The following MSH4 variants were observed in gnomAD, a reference collection of about 807,000 sequenced individuals.
The protein encoded by MSH4 is mutS protein homolog 4.
A neutral mutation model predicts 113.7 loss-of-function variants in MSH4; 106 were observed. That is an observed-to-expected ratio of 0.93 (90% CI 0.80 to 1.10). The LOEUF (loss-of-function observed/expected upper bound fraction) is 1.10, where lower values mean the gene tolerates loss of function less well. MSH4 is among the 50% of genes least tolerant of loss of function. The pLI is 0.00. For missense variants in MSH4, 1,061 were observed against 1,093.7 expected (o/e 0.97, Z 0.42); for synonymous variants, 368 against 380.2 (o/e 0.97, Z 0.37).
chr1:75,821,528 T>C (rs1287944958), intron 6 of MSH4, among the ~76,000 whole-genome samples: 1 of 152,144 alleles, frequency 6.6e-6, no homozygotes, highest in Non-Finnish European at 1.5e-5. Context: ...ATTCAAAAGC[T>C]AGCGGAATGC....
chr1:75,883,513 A>G, intron 14 of MSH4, 108 bp from the exon 15 acceptor site: 3 of 858,612 alleles, frequency 3.5e-6, no homozygotes, highest in Non-Finnish European at 5.3e-6. Flanking sequence ...TATTATTCCA[A>G]ATTGACCAGT....
chr1:75,877,675 G>A (rs1340170951), intron 10 of MSH4, among the ~76,000 whole-genome samples: 2 of 152,182 alleles, frequency 1.3e-5, no homozygotes, highest in African/African-American at 2.4e-5. Context: ...TAATTGTGAG[G>A]TTCCTGTTAC....
intron 8 of MSH4, among the ~76,000 whole-genome samples, chr1:75,855,908 T>A (rs906553761): frequency 1.1e-4 from 17 of 152,214 alleles, no homozygotes; most frequent in African/African-American, 4.1e-4. Context: ...AAAGAATTAA[T>A]CATCAGATTA....
chr1:75,865,983 A>G (rs35614774), intron 8 of MSH4, among the ~76,000 whole-genome samples: 6,993 of 152,260 alleles, frequency 0.046, 196 homozygotes, highest in African/African-American at 0.061. Flanking sequence ...AACCTTTGTC[A>G]TAAATCGAGT....
chr1:75,890,844 A>G lies in MSH4; in HGVS notation c.2355+20A>G, dbSNP rs1425882980. The G allele has an allele frequency of 1.3e-6, 2 of 1,506,652 alleles. No homozygotes were observed. The highest frequency in any genetic ancestry group is 1.2e-5 in the South Asian group (1 of 83,496). 93.3% of individuals were successfully genotyped at this position (1,506,652 alleles called of 1,614,324 possible). ...TTAAAGGTATTCTTTTATTTTAAGTATATTGATTTTGAGTCCTTCTTTATG... is the reference window on the plus strand; with the variant it reads ...TTAAAGGTATTCTTTTATTTTAAGTGTATTGATTTTGAGTCCTTCTTTATG... On this transcript the variant is annotated intron_variant, in intron 17 of 19. Coordinates refer to ENST00000263187, the MANE Select transcript of MSH4 (RefSeq NM_002440.4).
At chr1:75,902,504 C>G (rs1652526329) in intron 19 of MSH4, among the ~76,000 whole-genome samples, 1 of 151,326 alleles carries the variant, frequency 6.6e-6, no homozygotes, top group Admixed American at 6.6e-5. Flanking sequence ...TGGCCTCCAA[C>G]TCCATCTATG....
intron 4 of MSH4, among the ~76,000 whole-genome samples, chr1:75,812,984 G>C (rs1474080359): frequency 6.6e-6 from 1 of 152,138 alleles, no homozygotes; most frequent in African/African-American, 2.4e-5. Context: ...AGCCCAGGTA[G>C]AGTTTGGTCA....
At chr1:75,867,690 C>T (rs928797371) in intron 9 of MSH4, 102 bp downstream of exon 9, 11 of 708,712 alleles carry the variant, frequency 1.6e-5, no homozygotes, top group Admixed American at 5.9e-5. Context: ...AATAACATGG[C>T]GAATTTCCCA....
At chr1:75,813,074 A>G (rs1469222204) in intron 4 of MSH4, among the ~76,000 whole-genome samples, 1 of 152,182 alleles carries the variant, frequency 6.6e-6, no homozygotes, top group African/African-American at 2.4e-5. Context: ...ATGAGATTTA[A>G]GAAGATGATT....
chr1:75,851,013 G>T (rs1269921575), intron 8 of MSH4, among the ~76,000 whole-genome samples: 3 of 151,828 alleles, frequency 2.0e-5, no homozygotes, highest in Non-Finnish European at 4.4e-5. Flanking sequence ...GCTTTCTTTT[G>T]GTTAGTGTTG....
chr1:75,851,186 G>T (rs1211453506), intron 8 of MSH4, among the ~76,000 whole-genome samples: 1 of 149,606 alleles, frequency 6.7e-6, no homozygotes, highest in Non-Finnish European at 1.5e-5. Context: ...CACTTAATAA[G>T]ATTATTGATA....
intron 2 of MSH4, 31 bp downstream of exon 2, chr1:75,803,944 T>A: frequency 7.1e-7 from 1 of 1,398,698 alleles, no homozygotes; most frequent in Non-Finnish European, 9.4e-7. Flanking sequence ...ACCTAGATGA[T>A]GTTTTGAAAC....
At chr1:75,844,881 G>A (rs1651042731) in intron 7 of MSH4, among the ~76,000 whole-genome samples, 2 of 152,134 alleles carry the variant, frequency 1.3e-5, no homozygotes, top group Admixed American at 1.3e-4. Context: ...TCTGAAGGCT[G>A]GGATCTGCAA....
At chr1:75,838,692 C>A (rs1211802353) in intron 7 of MSH4, among the ~76,000 whole-genome samples, 2 of 152,132 alleles carry the variant, frequency 1.3e-5, no homozygotes, top group Non-Finnish European at 1.5e-5. Flanking sequence ...TCTAAATGAA[C>A]TTCTTTAAGT....
intron 7 of MSH4, among the ~76,000 whole-genome samples, chr1:75,839,011 T>C (rs746589562): frequency 1.3e-5 from 2 of 152,214 alleles, no homozygotes; most frequent in Non-Finnish European, 2.9e-5. Flanking sequence ...TTAACATATT[T>C]GTTAAACTAT....
intron 7 of MSH4, among the ~76,000 whole-genome samples, chr1:75,822,818 TTTG>T (rs1055982889): frequency 1.3e-5 from 2 of 151,958 alleles, no homozygotes; most frequent in Non-Finnish European, 1.5e-5. Flanking sequence ...TCTGTTTTTT[TTTG>T]TTGTTGTTTT....
chr1:75,840,650 C>T (rs1338074555), intron 7 of MSH4, among the ~76,000 whole-genome samples: 4 of 147,890 alleles, frequency 2.7e-5, no homozygotes, highest in Admixed American at 6.8e-5. Flanking sequence ...CACATGTACC[C>T]TAAAACTTAA....
Position 75,833,933 on chromosome 1 carries a change from T to C in MSH4, c.1162+11352T>C, listed in dbSNP as rs376302090. Among the ~76,000 whole-genome samples, 147 of 152,130 alleles carry C rather than the reference T, an allele frequency of 9.7e-4. 3 individuals are homozygous for C. The South Asian group carries it at 0.029, about 30-fold the overall frequency. ...GGCAACAAAAGCCAAAACTGACAAA[T>C]AGGATCTAATTAAACTAAAGAGATT... On this transcript the variant is annotated intron_variant, in intron 7 of 19. Coordinates refer to ENST00000263187, the MANE Select transcript of MSH4 (RefSeq NM_002440.4).
chr1:75,899,925 G>A (rs948936498), intron 19 of MSH4, among the ~76,000 whole-genome samples: 3 of 151,476 alleles, frequency 2.0e-5, no homozygotes, highest in Non-Finnish European at 4.4e-5. Context: ...TAACAAGCTA[G>A]GAGATAAAAA....
Sources: gnomAD v4.1 joint callset for allele counts (sites outside exome capture counted in the v4.1 genomes callset) on GRCh38, gnomAD v4.1.1 for gene constraint, MANE v1.5 for transcripts, NCBI Gene and HGNC (gene_info 2026-07-23, HGNC 2026-07-21) for gene names.